ERO1B: variants seen among roughly 807,000 people sequenced by gnomAD.
The protein encoded by ERO1B is ERO1-like protein beta.
ERO1B carries 49 observed loss-of-function variants against 75.3 expected under a neutral mutation model. That is an observed-to-expected ratio of 0.65 (90% confidence interval 0.52 to 0.83). ERO1B has a LOEUF of 0.83. Among genes scored for constraint, ERO1B ranks in the 40% least tolerant of loss-of-function variants. The pLI is 0.00. For synonymous variants in ERO1B, 191 were observed against 192.9 expected (o/e 0.99, Z 0.08); for missense variants, 512 against 560.1 (o/e 0.91, Z 0.87).
At position 236,220,933 on chromosome 1, in the gene ERO1B, T is replaced by A; in HGVS notation, c.1242A>T (p.Leu414Phe). The change falls in exon 15 of 16, where the codon TTA (leucine) becomes TTT (phenylalanine). Residue 414 changes from leucine to phenylalanine, a missense_variant. Transcript: ENST00000354619. ...TQGLGTALKI[L>F]FSEKEIQKLP... ...GCTTTTGGATTTCTTTTTCAGAGAA[T>A]AATATCTTCAGGGCAGTTCCTAAAC... 6.2e-7 allele frequency: 1 copy of A among 1,602,540 alleles called. No individual in the cohort carries two copies. The highest frequency in any genetic ancestry group is 8.5e-7 in the Non-Finnish European group (1 of 1,175,008).
intron 1 of ERO1B, 91 bp downstream of exon 1, chr1:236,281,591 C>CCCGGCCCTGT: frequency 2.0e-6 from 2 of 999,280 alleles, no homozygotes; most frequent in African/African-American, 1.7e-5. Flanking sequence ...CCCGGCCCTG[C>CCCGGCCCTGT]CCGGCCCTCC....
At chr1:236,269,351 AG>A (rs914024545) in intron 2 of ERO1B, among the ~76,000 whole-genome samples, 1 of 152,244 alleles carries the variant, frequency 6.6e-6, no homozygotes, top group Admixed American at 6.5e-5. Context: ...CTGCCTTTAA[AG>A]TATCACCGGT....
intron 5 of ERO1B, among the ~76,000 whole-genome samples, chr1:236,244,184 A>G (rs1664782809): frequency 6.6e-6 from 1 of 152,148 alleles, no homozygotes; most frequent in Non-Finnish European, 1.5e-5. Context: ...GAGAGGCATC[A>G]TTTTGCTACC....
chr1:236,228,754 T>C (rs146213055), intron 10 of ERO1B, among the ~76,000 whole-genome samples: 1,726 of 152,302 alleles, frequency 0.011, 8 homozygotes, highest in Non-Finnish European at 0.018. Context: ...AGGACTGCTA[T>C]TGCTCCTCTC....
intron 15 of ERO1B, 135 bp downstream of exon 15, chr1:236,220,697 T>C: frequency 1.2e-6 from 1 of 832,056 alleles, no homozygotes; most frequent in East Asian, 3.0e-5. Flanking sequence ...AAGGCCTCTC[T>C]AAGTTAGTAC....
At chr1:236,268,508 G>A (rs1665507397) in intron 2 of ERO1B, among the ~76,000 whole-genome samples, 1 of 152,134 alleles carries the variant, frequency 6.6e-6, no homozygotes, top group African/African-American at 2.4e-5. Context: ...TGGATAGATA[G>A]ATAGATTGAT....
intron 2 of ERO1B, among the ~76,000 whole-genome samples, chr1:236,255,465 C>T (rs1378264483): frequency 1.3e-5 from 2 of 152,038 alleles, no homozygotes; most frequent in African/African-American, 4.8e-5. Context: ...TTATTGTCTG[C>T]GCCTCCTACC....
At chr1:236,248,066 T>C (rs1415252472) in intron 5 of ERO1B, among the ~76,000 whole-genome samples, 3 of 152,230 alleles carry the variant, frequency 2.0e-5, no homozygotes, top group Non-Finnish European at 4.4e-5. Flanking sequence ...ATTGTGTTAT[T>C]TCCTCTGACA....
rs576292854 is a variant in ERO1B, at chr1:236,261,869, G to C, written c.222+8006C>G. 5.9e-5 allele frequency among the ~76,000 whole-genome samples: 9 copies of C among 152,220 alleles called. No individual in the cohort carries two copies. The East Asian group carries it at 1.7e-3, about 29-fold the overall frequency. On this transcript the variant is annotated intron_variant, in intron 2 of 15. Coordinates refer to ENST00000354619, the MANE Select transcript of ERO1B (RefSeq NM_019891.4). Reference sequence around the variant, plus strand: ...GGAGGATCAGTTGAGGTCAGTACAAGGTTTTCAAGGCTACAGTGAGCTATG... The same window carrying C: ...GGAGGATCAGTTGAGGTCAGTACAACGTTTTCAAGGCTACAGTGAGCTATG...
At chr1:236,256,043 T>G (rs1371554379) in intron 2 of ERO1B, among the ~76,000 whole-genome samples, 3 of 152,182 alleles carry the variant, frequency 2.0e-5, no homozygotes, top group Admixed American at 2.0e-4. Flanking sequence ...ATAAACCTCC[T>G]TGAGCCTAAA....
intron 2 of ERO1B, 88 bp from the exon 3 acceptor site, chr1:236,253,593 T>C (rs1665091835): frequency 1.2e-6 from 1 of 819,778 alleles, no homozygotes. Context: ...AGTGACATGG[T>C]GGTGAATAAG....
intron 10 of ERO1B, among the ~76,000 whole-genome samples, chr1:236,227,878 G>A (rs913988491): frequency 1.3e-5 from 2 of 152,064 alleles, no homozygotes; most frequent in African/African-American, 4.8e-5. Flanking sequence ...CATGGATGGG[G>A]ACCAAAAGAA....
At chr1:236,252,934 A>C (rs1480836779) in intron 3 of ERO1B, among the ~76,000 whole-genome samples, 1 of 150,924 alleles carries the variant, frequency 6.6e-6, no homozygotes, top group African/African-American at 2.4e-5. Context: ...TCTAAAATGT[A>C]GCATTCTCTT....
chr1:236,235,709 G>GT, intron 8 of ERO1B, 80 bp downstream of exon 8: 1 of 1,252,482 alleles, frequency 8.0e-7, no homozygotes. Context: ...AAAAATGAAA[G>GT]TTTTTTCAAT....
intron 1 of ERO1B, among the ~76,000 whole-genome samples, chr1:236,279,541 C>A (rs1665780734): frequency 1.6e-5 from 2 of 128,556 alleles, no homozygotes; most frequent in Non-Finnish European, 3.2e-5. Flanking sequence ...GAAAGTACTG[C>A]TGGCGGCCTG....
chr1:236,268,613 G>A lies in ERO1B; in HGVS notation c.222+1262C>T, dbSNP rs184420319. 9.6e-3 allele frequency among the ~76,000 whole-genome samples: 1,462 copies of A among 152,126 alleles called. 23 individuals carry two copies. The highest frequency in any genetic ancestry group is 0.032 in the African/African-American group (1,338 of 41,506). ...AAAAAAAGCAAAAACAAGGCCGGGC[G>A]CGGTGGCTCACGCCTGTAATCCCAG... On this transcript the variant is annotated intron_variant, in intron 2 of 15. Coordinates refer to ENST00000354619, the MANE Select transcript of ERO1B (RefSeq NM_019891.4).
At chr1:236,255,569 A>G (rs1031375500) in intron 2 of ERO1B, among the ~76,000 whole-genome samples, 2 of 152,202 alleles carry the variant, frequency 1.3e-5, no homozygotes, top group African/African-American at 4.8e-5. Flanking sequence ...TAAGTAAACA[A>G]TATCTATATT....
chr1:236,268,705 T>C lies in ERO1B; in HGVS notation c.222+1170A>G, dbSNP rs569608469. On this transcript the variant is annotated intron_variant, in intron 2 of 15. Transcript: ENST00000354619. ...ATCAAGACCATCCTGGCTAACATGG[T>C]GAAACCCCGTCTCTACTAAAAATAC... Among the ~76,000 whole-genome samples the C allele has an allele frequency of 3.1e-4, 47 of 150,988 alleles. 1 individual carries two copies. In the South Asian group the frequency reaches 9.7e-3, roughly 31 times the overall value.
intron 15 of ERO1B, chr1:236,220,304 T>G (rs1006605966): frequency 6.6e-5 from 10 of 152,048 alleles, no homozygotes; most frequent in African/African-American, 2.2e-4. Flanking sequence ...TTCAAATTAT[T>G]TTTTAAACCA....
Sources: allele counts gnomAD v4.1 joint callset (sites outside exome capture counted in the v4.1 genomes callset), GRCh38; gene constraint gnomAD v4.1.1; transcripts MANE v1.5; gene names NCBI Gene and HGNC (gene_info 2026-07-23, HGNC 2026-07-21).